The following MICAL2 variants were observed in gnomAD, a reference collection of about 807,000 sequenced individuals.
MICAL2 encodes the protein microtubule associated monooxygenase, calponin and LIM domain containing 2.
In MICAL2, 77 loss-of-function variants were observed where a neutral mutation model predicts 127.3. That is an observed-to-expected ratio of 0.60 (90% confidence interval 0.50 to 0.73). MICAL2 has a LOEUF of 0.73. MICAL2 is among the 30% of genes least tolerant of loss of function. MICAL2 has a pLI of 0.00. For synonymous variants in MICAL2, 570 were observed against 551.1 expected (o/e 1.03, Z -0.48); for missense variants, 1,351 against 1,434.4 (o/e 0.94, Z 0.94).
At chr11:12,319,447 C>CT (rs10660240) in intron 29 of MICAL2, among the ~76,000 whole-genome samples, 87,828 of 147,064 alleles carry the variant, frequency 0.6, 27,727 homozygotes, top group Non-Finnish European at 0.7. Context: ...TTGGTTTTTT[C>CT]TTTTTTTTTT....
chr11:12,292,367 A>C (rs1863916757), downstream of MICAL2: 4 of 1,532,694 alleles, frequency 2.6e-6, no homozygotes, highest in Non-Finnish European at 3.6e-6. Flanking sequence ...CACCTTCCAC[A>C]CTTATCTCTG....
intron 2 of MICAL2, among the ~76,000 whole-genome samples, chr11:12,156,258 A>G (rs2133763463): frequency 6.6e-6 from 1 of 152,126 alleles, no homozygotes; most frequent in East Asian, 1.9e-4. Flanking sequence ...GGCCTTTCGT[A>G]GTAGGGGTTT....
rs1189253030 is a variant in MICAL2, at chr11:12,162,170, G to C, written c.15G>C (p.Glu5Asp). 5 of 1,614,072 alleles carry C rather than the reference G, an allele frequency of 3.1e-6. No homozygotes were observed. In the Admixed American group the frequency reaches 8.3e-5, roughly 27 times the overall value. The stretch of plus-strand genomic sequence containing the variant: ...ACTCCTGAACCATGGGGGAAAACGA[G>C]GATGAGAAGCAGGCCCAGGCGGGGC... MGEN[E>D]DEKQAQAGQV... is the part of the protein sequence containing the mutation. Residue 5 changes from glutamate (E) to aspartate (D), a missense_variant, in exon 3 of 28, where the codon GAG becomes GAC. Coordinates refer to ENST00000683283, the MANE Select transcript of MICAL2 (RefSeq NM_001282663.2).
At chr11:12,166,812 C>T (rs866408959) in intron 3 of MICAL2, among the ~76,000 whole-genome samples, 7 of 152,044 alleles carry the variant, frequency 4.6e-5, no homozygotes, top group South Asian at 2.1e-4. Flanking sequence ...AGTCTGGGAA[C>T]GCTTCCTGGA....
At chr11:12,235,961 G>A (rs1590538420) in intron 15 of MICAL2, among the ~76,000 whole-genome samples, 1 of 152,224 alleles carries the variant, frequency 6.6e-6, no homozygotes, top group South Asian at 2.1e-4. Flanking sequence ...GGTGGAGTGA[G>A]GTTCTCTCCG....
intron 33 of MICAL2, among the ~76,000 whole-genome samples, chr11:12,351,123 T>A (rs2134901170): frequency 6.6e-6 from 1 of 152,342 alleles, no homozygotes; most frequent in East Asian, 1.9e-4. Context: ...TTAACTTAAT[T>A]GCATCTGCAA....
intron 15 of MICAL2, among the ~76,000 whole-genome samples, chr11:12,231,785 G>A (rs184708922): frequency 2.6e-5 from 4 of 152,286 alleles, no homozygotes; most frequent in African/African-American, 2.4e-5. Flanking sequence ...CAAGAGTGCC[G>A]CTTTCCAAGG....
chr11:12,237,257 A>G (rs1260158824), intron 16 of MICAL2, among the ~76,000 whole-genome samples: 7 of 152,208 alleles, frequency 4.6e-5, no homozygotes, highest in Non-Finnish European at 7.3e-5. Flanking sequence ...ATTCTACCCA[A>G]TGAGTTCAAA....
At chr11:12,281,901 T>G (rs151099817) in intron 2 of MICAL2, among the ~76,000 whole-genome samples, 2,340 of 152,310 alleles carry the variant, frequency 0.015, 29 homozygotes, top group Non-Finnish European at 0.022. Flanking sequence ...CCAAATCGTC[T>G]GATTTATGGG....
chr11:12,242,928 A>C (rs1020366434), intron 20 of MICAL2, 156 bp downstream of exon 20: 1 of 540,494 alleles, frequency 1.9e-6, no homozygotes, highest in African/African-American at 2.0e-5. Flanking sequence ...ACAAGCTGGC[A>C]TCTAGAAAAG....
At chr11:12,151,060 AAGCCCATGTTC>A (rs1263692686) in intron 2 of MICAL2, among the ~76,000 whole-genome samples, 1 of 152,124 alleles carries the variant, frequency 6.6e-6, no homozygotes, top group Middle Eastern at 3.2e-3. Flanking sequence ...AGTGACTCAG[AAGCCCATGTTC>A]TTTCTACCAC....
intron 16 of MICAL2, among the ~76,000 whole-genome samples, chr11:12,237,731 AAATGT>A (rs1478312812): frequency 2.6e-5 from 4 of 152,224 alleles, no homozygotes; most frequent in Non-Finnish European, 4.4e-5. Context: ...TTGCTACTCA[AAATGT>A]AATCCAAGAT....
chr11:12,243,843 A>G lies in MICAL2; in HGVS notation c.2659-144A>G, dbSNP rs187479276. On this transcript the variant is annotated intron_variant, in intron 20 of 27. Transcript: ENST00000683283. ...GATAATCCTTTCTGGCTCCAAAGAC[A>G]GGGGTTTCTGTGTTGTCCTGAGACA... is the stretch of plus-strand genomic sequence containing the variant. 1.9e-4 allele frequency: 177 copies of G among 926,752 alleles called. No individual in the cohort carries two copies. In the East Asian group the frequency reaches 4.0e-3, roughly 21 times the overall value. 57.4% of individuals were successfully genotyped at this position (926,752 alleles called of 1,614,324 possible).
At chr11:12,166,411 C>G (rs1204909536) in intron 3 of MICAL2, among the ~76,000 whole-genome samples, 1 of 152,210 alleles carries the variant, frequency 6.6e-6, no homozygotes, top group African/African-American at 2.4e-5. Context: ...GTGGTTCTTA[C>G]TTGAGCTTTA....
At chr11:12,144,587 A>G (rs943072880) in intron 2 of MICAL2, among the ~76,000 whole-genome samples, 1 of 152,128 alleles carries the variant, frequency 6.6e-6, no homozygotes, top group Non-Finnish European at 1.5e-5. Flanking sequence ...GTTGTTCTCA[A>G]TGTAGTGAAT....
intron 32 of MICAL2, among the ~76,000 whole-genome samples, chr11:12,332,155 C>T (rs1377176142): frequency 6.6e-6 from 1 of 152,196 alleles, no homozygotes; most frequent in African/African-American, 2.4e-5. Flanking sequence ...CTCTCTGACA[C>T]TCTGCCACAA....
At chr11:12,115,627 T>G (rs1399383516) in intron 1 of MICAL2, among the ~76,000 whole-genome samples, 1 of 152,176 alleles carries the variant, frequency 6.6e-6, no homozygotes, top group African/African-American at 2.4e-5. Context: ...CCTAGCCTTT[T>G]GCACTAGGAC....
intron 3 of MICAL2, among the ~76,000 whole-genome samples, chr11:12,177,307 G>A (rs750179428): frequency 6.6e-6 from 1 of 152,148 alleles, no homozygotes; most frequent in African/African-American, 2.4e-5. Context: ...TTAGAGAAAT[G>A]TTTATTCCAG....
intron 3 of MICAL2, among the ~76,000 whole-genome samples, chr11:12,194,760 C>G (rs1033452757): frequency 2.6e-5 from 4 of 152,092 alleles, no homozygotes; most frequent in African/African-American, 7.2e-5. Context: ...AAAGAAAACA[C>G]CAGGGTACCA....
Sources: gnomAD v4.1 joint callset for allele counts (sites outside exome capture counted in the v4.1 genomes callset) on GRCh38, gnomAD v4.1.1 for gene constraint, MANE v1.5 for transcripts, NCBI Gene and HGNC (gene_info 2026-07-23, HGNC 2026-07-21) for gene names.